RIMBP2: variants seen among roughly 807,000 people sequenced by gnomAD.
RIMBP2 encodes the protein RIMS-binding protein 2.
Under a neutral mutation model 118.6 loss-of-function variants are expected in RIMBP2, and 48 were observed. That is an observed-to-expected ratio of 0.40 (90% CI 0.32 to 0.51). The LOEUF is 0.51. RIMBP2 is among the 20% of genes least tolerant of loss of function. The probability of loss-of-function intolerance (pLI) is 0.41; values close to 1 mark genes in which losing one functional copy is unlikely to be tolerated. For missense variants in RIMBP2, 1,551 were observed against 1,768.3 expected (o/e 0.88, Z 2.20); for synonymous variants, 762 against 742.9 (o/e 1.03, Z -0.42).
intron 1 of RIMBP2, among the ~76,000 whole-genome samples, chr12:130,675,283 C>CCAGT (rs112223728): frequency 6.6e-6 from 1 of 152,172 alleles, no homozygotes; most frequent in Non-Finnish European, 1.5e-5. Context: ...AGGCCAACCA[C>CCAGT]CAGTCAGTCC....
At chr12:130,403,989 A>G (rs80209012) in intron 21 of RIMBP2, among the ~76,000 whole-genome samples, 4,441 of 152,346 alleles carry the variant, frequency 0.029, 146 homozygotes, top group African/African-American at 0.062. Flanking sequence ...GTAAAATATG[A>G]GTGGTATTCC....
intron 2 of RIMBP2, among the ~76,000 whole-genome samples, chr12:130,560,359 T>C (rs899248475): frequency 6.6e-6 from 1 of 152,102 alleles, no homozygotes; most frequent in Admixed American, 6.5e-5. Flanking sequence ...CTCAGCCCGG[T>C]GGTCATCTTG....
chr12:130,476,795 G>C (rs953674906), intron 5 of RIMBP2, among the ~76,000 whole-genome samples: 4 of 152,100 alleles, frequency 2.6e-5, no homozygotes, highest in African/African-American at 9.7e-5. Flanking sequence ...TCCTTTTTTA[G>C]CCTGGGAGGG....
intron 4 of RIMBP2, among the ~76,000 whole-genome samples, chr12:130,499,857 C>T (rs2049570609): frequency 6.6e-6 from 1 of 152,200 alleles, no homozygotes; most frequent in Admixed American, 6.5e-5. Flanking sequence ...TCACTTTTTC[C>T]AGAAACTAGA....
chr12:130,496,910 C>T (rs1404613833), intron 4 of RIMBP2, among the ~76,000 whole-genome samples: 1 of 152,174 alleles, frequency 6.6e-6, no homozygotes, highest in Non-Finnish European at 1.5e-5. Context: ...TGTGTATACA[C>T]TGGGGGCTTA....
chr12:130,403,881 G>A (rs771147746), intron 21 of RIMBP2, among the ~76,000 whole-genome samples: 1 of 152,088 alleles, frequency 6.6e-6, no homozygotes, highest in Non-Finnish European at 1.5e-5. Context: ...TGAAAAATAA[G>A]CAGAGCAAAC....
chr12:130,503,762 C>T (rs1171376297), intron 4 of RIMBP2, among the ~76,000 whole-genome samples: 1 of 152,180 alleles, frequency 6.6e-6, no homozygotes, highest in African/African-American at 2.4e-5. Context: ...TCTTTTCTGT[C>T]CAGCCTCCCT....
chr12:130,490,468 G>A lies in RIMBP2; in HGVS notation c.-3-11452C>T, dbSNP rs550722292. Among the ~76,000 whole-genome samples, 22 of 152,178 alleles carry A rather than the reference G, an allele frequency of 1.4e-4. No individual in the cohort carries two copies. The South Asian group carries it at 2.9e-3, about 20-fold the overall frequency. ...CTTCCCAACTAGGAAAGCTTGTTCTGGTCCCAGCTGTCAGACAATCCCGGG... is the reference window on the plus strand; with the variant it reads ...CTTCCCAACTAGGAAAGCTTGTTCTAGTCCCAGCTGTCAGACAATCCCGGG... On this transcript the variant is annotated intron_variant, in intron 4 of 22. Coordinates refer to ENST00000690449, the MANE Select transcript of RIMBP2 (RefSeq NM_001393629.1).
At chr12:130,428,391 A>G in intron 14 of RIMBP2, 54 bp from the exon 15 acceptor site, 1 of 1,551,252 alleles carries the variant, frequency 6.4e-7, no homozygotes, top group Non-Finnish European at 8.7e-7. Context: ...GCATCCTACA[A>G]GAGGCCAGAT....
At position 130,469,193 on chromosome 12, in the gene RIMBP2, A is replaced by G. The variant is rs1466465909; in HGVS notation, c.153+1500T>C. On this transcript the variant is annotated intron_variant, in intron 6 of 22. Transcript: ENST00000690449. This position sits in a 1 kb window ranked among gnomAD's most constrained non-coding sequence, Gnocchi z 4.8. ...TTCTGCGCGAAGAGCAAAGCAAGACAGTTACAGAAAGACGCCGTAAATAAA... is the reference window on the plus strand; with the variant it reads ...TTCTGCGCGAAGAGCAAAGCAAGACGGTTACAGAAAGACGCCGTAAATAAA... 1 of 152,672 alleles carries G rather than the reference A, an allele frequency of 6.5e-6. No homozygotes were observed. The highest frequency in any genetic ancestry group is 1.5e-5 in the Non-Finnish European group (1 of 68,040). 9.5% of individuals were successfully genotyped at this position (152,672 alleles called of 1,614,324 possible). A position where few individuals can be genotyped will look rare whatever the true frequency, so the allele number is the denominator to read the frequency against.
intron 1 of RIMBP2, among the ~76,000 whole-genome samples, chr12:130,634,387 T>C (rs2062210418): frequency 6.6e-6 from 1 of 152,148 alleles, no homozygotes; most frequent in Admixed American, 6.5e-5. Context: ...TCAGGTTTAA[T>C]GTTTTCTATG....
In RIMBP2 at chr12:130,424,978, A is replaced by G. The variant is rs1348505119; in HGVS notation, c.2413-120T>C. The G allele has an allele frequency of 7.9e-6, 4 of 505,874 alleles. No individual in the cohort carries two copies. The highest frequency in any genetic ancestry group is 4.4e-5 in the Admixed American group (1 of 22,614). The allele number at this position is 505,874 out of a possible 1,614,324, so 31.3% of individuals were successfully genotyped here. A position where few individuals can be genotyped will look rare whatever the true frequency, so the allele number is the denominator to read the frequency against. On this transcript the variant is annotated intron_variant, in intron 15 of 22. Coordinates refer to ENST00000690449, the MANE Select transcript of RIMBP2 (RefSeq NM_001393629.1). The surrounding 1 kb of genome is among the most constrained non-coding windows in gnomAD (Gnocchi z 9.8). Reference sequence around the variant, plus strand: ...AGTCCTGGAGGCACCGAGGGGGGGGAAGCATGCGTCTACTCAGGCCGGGGG... The same window carrying G: ...AGTCCTGGAGGCACCGAGGGGGGGGGAGCATGCGTCTACTCAGGCCGGGGG...
chr12:130,562,504 G>T (rs1280606381), intron 2 of RIMBP2, among the ~76,000 whole-genome samples: 1 of 152,204 alleles, frequency 6.6e-6, no homozygotes, highest in African/African-American at 2.4e-5. Flanking sequence ...AGTCACCTTT[G>T]CTTGACAGCA....
At chr12:130,611,915 G>A (rs1435462009) in intron 2 of RIMBP2, among the ~76,000 whole-genome samples, 2 of 152,222 alleles carry the variant, frequency 1.3e-5, no homozygotes, top group East Asian at 1.9e-4. Context: ...TTTGCAAGTA[G>A]AAAGTTGGGG....
At chr12:130,597,129 G>T (rs1466844649) in intron 2 of RIMBP2, among the ~76,000 whole-genome samples, 1 of 151,992 alleles carries the variant, frequency 6.6e-6, no homozygotes, top group Non-Finnish European at 1.5e-5. Context: ...AAAGTCAAAA[G>T]CATTATAACA....
chr12:130,463,202 G>C (rs984863670), intron 6 of RIMBP2, among the ~76,000 whole-genome samples: 1 of 152,176 alleles, frequency 6.6e-6, no homozygotes, highest in South Asian at 2.1e-4. Context: ...ATTTATTTCC[G>C]GATACAGAGT....
chr12:130,441,408 A>AATC (rs1555251157), intron 11 of RIMBP2, among the ~76,000 whole-genome samples: 27 of 87,134 alleles, frequency 3.1e-4, no homozygotes, highest in Non-Finnish European at 6.3e-4. Flanking sequence ...CTCAAATAAT[A>AATC]ATAATAATAA....
At chr12:130,582,525 C>T (rs913048600) in intron 2 of RIMBP2, among the ~76,000 whole-genome samples, 6 of 152,224 alleles carry the variant, frequency 3.9e-5, no homozygotes, top group African/African-American at 7.2e-5. Flanking sequence ...GCACCATGAG[C>T]GGCTCTGGTG....
At chr12:130,399,862 C>A in intron 21 of RIMBP2, 49 bp from the exon 22 acceptor site, 1 of 1,602,808 alleles carries the variant, frequency 6.2e-7, no homozygotes. Flanking sequence ...TTCTAGAAAC[C>A]CACATCTTGC....
Sources: gnomAD v4.1 joint callset for allele counts (sites outside exome capture counted in the v4.1 genomes callset) on GRCh38, gnomAD v4.1.1 for gene constraint, Gnocchi (gnomAD v3.1) non-coding constraint, MANE v1.5 for transcripts, NCBI Gene and HGNC (gene_info 2026-07-23, HGNC 2026-07-21) for gene names.